DPP10: variants seen among roughly 807,000 people sequenced by gnomAD.
DPP10 encodes inactive dipeptidyl peptidase 10.
A neutral mutation model predicts 120.9 loss-of-function variants in DPP10; 33 were observed. The observed-to-expected ratio is 0.27, with a 90% CI of 0.21 to 0.37. The LOEUF (loss-of-function observed/expected upper bound fraction) is 0.37. DPP10 is among the 10% of genes least tolerant of loss of function. The probability of loss-of-function intolerance (pLI) is 1.00; values close to 1 mark genes in which losing one functional copy is unlikely to be tolerated. For missense variants in DPP10, 816 were observed against 942.8 expected (o/e 0.87, Z 1.76); for synonymous variants, 337 against 326.1 (o/e 1.03, Z -0.36).
At chr2:115,102,755 AG>A (rs1342153788) in intron 1 of DPP10, among the ~76,000 whole-genome samples, 1 of 138,182 alleles carries the variant, frequency 7.2e-6, no homozygotes, top group Non-Finnish European at 1.6e-5. Context: ...GAAAAAAAAA[AG>A]AGTCATAAAG....
At position 115,370,553 on chromosome 2, in the gene DPP10, T is replaced by A. The variant is rs2065341520; in HGVS notation, c.271+26641T>A. On this transcript the variant is annotated intron_variant, in intron 3 of 25. Transcript: ENST00000410059. ...TATAAACAAAATAAACAATGGAAAGTTACGGTTTAATTCCTGGATTACATG... is the reference window on the plus strand; with the variant it reads ...TATAAACAAAATAAACAATGGAAAGATACGGTTTAATTCCTGGATTACATG... Among the ~76,000 whole-genome samples the A allele has an allele frequency of 1.3e-5, 2 of 152,048 alleles. 1 individual carries two copies. The highest frequency in any genetic ancestry group is 4.1e-4 in the South Asian group (2 of 4,828).
chr2:114,452,876 C>A (rs1678366888), intron 1 of DPP10, among the ~76,000 whole-genome samples: 1 of 152,092 alleles, frequency 6.6e-6, no homozygotes, highest in African/African-American at 2.4e-5. Flanking sequence ...TCTTCAGTTC[C>A]ATAATTGGCC....
At chr2:115,067,934 TG>T (rs200794697) in intron 1 of DPP10, among the ~76,000 whole-genome samples, 1 of 149,468 alleles carries the variant, frequency 6.7e-6, no homozygotes, top group Non-Finnish European at 1.5e-5. Context: ...TGGGGGTGTG[TG>T]TTTTTGTGTC....
At chr2:114,743,446 G>C (rs1052082537) in intron 1 of DPP10, among the ~76,000 whole-genome samples, 3 of 150,112 alleles carry the variant, frequency 2.0e-5, no homozygotes, top group African/African-American at 7.3e-5. Flanking sequence ...AGCTCGTAAA[G>C]TTAAGAATAT....
At chr2:114,498,076 G>A (rs2104492424) in intron 1 of DPP10, among the ~76,000 whole-genome samples, 1 of 152,134 alleles carries the variant, frequency 6.6e-6, no homozygotes, top group South Asian at 2.1e-4. Context: ...CATTTAAGGG[G>A]TACAATATGA....
At chr2:115,078,702 T>C (rs1707992137) in intron 1 of DPP10, among the ~76,000 whole-genome samples, 2 of 152,220 alleles carry the variant, frequency 1.3e-5, no homozygotes, top group African/African-American at 2.4e-5. Flanking sequence ...GTTTGCAATA[T>C]ACAACACGGG....
chr2:115,631,296 A>T (rs1270363598), intron 5 of DPP10, among the ~76,000 whole-genome samples: 2 of 151,714 alleles, frequency 1.3e-5, no homozygotes, highest in African/African-American at 2.4e-5. Context: ...TATTGTGTCT[A>T]TATGATTCTT....
chr2:115,701,005 T>C (rs927164248), intron 7 of DPP10, among the ~76,000 whole-genome samples: 1 of 152,122 alleles, frequency 6.6e-6, no homozygotes, highest in Non-Finnish European at 1.5e-5. Context: ...TGTTATGATG[T>C]CAATATGCCC....
At chr2:115,334,667 T>C (rs2063011538) in intron 2 of DPP10, among the ~76,000 whole-genome samples, 1 of 151,952 alleles carries the variant, frequency 6.6e-6, no homozygotes, top group African/African-American at 2.4e-5. Context: ...ACATTTCGGT[T>C]GAAGAGAACA....
chr2:115,021,837 G>C (rs1178538203), intron 1 of DPP10, among the ~76,000 whole-genome samples: 1 of 152,096 alleles, frequency 6.6e-6, no homozygotes, highest in African/African-American at 2.4e-5. Context: ...TCATACCAGG[G>C]ATGCAGGAAT....
At chr2:115,299,093 T>A (rs1251606642) in intron 1 of DPP10, among the ~76,000 whole-genome samples, 2 of 152,056 alleles carry the variant, frequency 1.3e-5, no homozygotes, top group African/African-American at 4.8e-5. Context: ...GTCTGAATAA[T>A]GTAACTGTAG....
intron 3 of DPP10, among the ~76,000 whole-genome samples, chr2:115,392,827 C>T (rs2067411922): frequency 6.6e-6 from 1 of 151,952 alleles, no homozygotes; most frequent in South Asian, 2.1e-4. Flanking sequence ...ATGGTGAAAA[C>T]ATTATTTTTT....
At chr2:115,049,327 G>A (rs753329351) in intron 1 of DPP10, among the ~76,000 whole-genome samples, 25 of 152,092 alleles carry the variant, frequency 1.6e-4, no homozygotes, top group South Asian at 4.1e-4. Flanking sequence ...TATTATACAC[G>A]CCACTCTTAA....
At chr2:115,168,283 C>T (rs1051992069) in intron 1 of DPP10, among the ~76,000 whole-genome samples, 12 of 152,126 alleles carry the variant, frequency 7.9e-5, no homozygotes, top group South Asian at 6.2e-4. Context: ...TAACCAAGTT[C>T]ATGTATGACT....
At chr2:114,758,371 A>G (rs1038465246) in intron 1 of DPP10, among the ~76,000 whole-genome samples, 24 of 152,292 alleles carry the variant, frequency 1.6e-4, no homozygotes, top group African/African-American at 5.3e-4. Context: ...TCACCCAATC[A>G]TATTTTAGAC....
intron 5 of DPP10, among the ~76,000 whole-genome samples, chr2:115,547,105 C>T (rs1355119851): frequency 6.6e-6 from 1 of 152,116 alleles, no homozygotes; most frequent in Non-Finnish European, 1.5e-5. Context: ...TGAAATGTCA[C>T]CTAGTATCCA....
intron 5 of DPP10, among the ~76,000 whole-genome samples, chr2:115,687,355 TCTG>T (rs1391140933): frequency 6.6e-6 from 1 of 152,044 alleles, no homozygotes; most frequent in Non-Finnish European, 1.5e-5. Context: ...GTATTTGAGA[TCTG>T]CTGGGAACAC....
At chr2:114,542,346 C>A (rs1687027540) in intron 1 of DPP10, among the ~76,000 whole-genome samples, 1 of 152,012 alleles carries the variant, frequency 6.6e-6, no homozygotes, top group African/African-American at 2.4e-5. Context: ...CCGTGCCTGG[C>A]CGAATATCTT....
intron 2 of DPP10, among the ~76,000 whole-genome samples, chr2:115,330,373 A>G (rs1359849437): frequency 3.3e-5 from 5 of 151,058 alleles, no homozygotes; most frequent in Non-Finnish European, 5.9e-5. Context: ...ATTTTCTCCC[A>G]TTCTGTAGGT....
Sources: allele counts gnomAD v4.1 joint callset (sites outside exome capture counted in the v4.1 genomes callset), GRCh38; gene constraint gnomAD v4.1.1; transcripts MANE v1.5; gene names NCBI Gene and HGNC (gene_info 2026-07-23, HGNC 2026-07-21).